The following ADAP2 variants were observed in gnomAD, a reference collection of about 807,000 sequenced individuals.
ADAP2 encodes ArfGAP with dual PH domains 2.
In ADAP2, 42 loss-of-function variants were observed where a neutral mutation model predicts 54.9. The ratio of observed to expected loss-of-function variants is 0.77; its 90% CI spans 0.60 to 0.99. ADAP2 has a LOEUF of 0.99. Ranked by LOEUF, ADAP2 falls within the 50% of genes least tolerant of loss-of-function variation. The probability of loss-of-function intolerance (pLI) is 0.00; values close to 1 mark genes in which losing one functional copy is unlikely to be tolerated. For synonymous variants in ADAP2, 177 were observed against 180.1 expected (o/e 0.98, Z 0.14); for missense variants, 429 against 480.4 (o/e 0.89, Z 1.00).
chr17:30,953,283 C>CCCAGCTCGTGCCATTCCTCA lies in ADAP2; in HGVS notation c.742_761dup. On this transcript the variant is annotated splice_region_variant and splice_polypyrimidine_tract_variant and intron_variant, in intron 7 of 10. Coordinates refer to ENST00000330889, the MANE Select transcript of ADAP2 (RefSeq NM_018404.3). ...TGGGGGTCAGTGTCTGTCTCTCTTC[C>CCCAGCTCGTGCCATTCCTCA]CCAGCTCGTGCCATTCCTCACCAGG... 1 of 1,614,056 alleles carries CCCAGCTCGTGCCATTCCTCA rather than the reference C, an allele frequency of 6.2e-7. No individual in the cohort carries two copies. The highest frequency in any genetic ancestry group is 8.5e-7 in the Non-Finnish European group (1 of 1,179,998).
In ADAP2 at chr17:30,931,876, T is replaced by C. The variant is rs761344897; in HGVS notation, c.318-13T>C. The C allele has an allele frequency of 6.3e-7, 1 of 1,597,896 alleles. No homozygotes were observed. Among genetic ancestry groups the C allele is most frequent in the East Asian group, 2.2e-5 (1 of 44,700 alleles). Reference sequence around the variant, plus strand: ...GCATCAAACGCAGCTGACCTCAGGCTCTCTCTTTTTAGGGTCTTAAAGGAA... The same window carrying C: ...GCATCAAACGCAGCTGACCTCAGGCCCTCTCTTTTTAGGGTCTTAAAGGAA... On this transcript the variant is annotated splice_polypyrimidine_tract_variant and intron_variant, in intron 3 of 10. Coordinates refer to ENST00000330889, the MANE Select transcript of ADAP2 (RefSeq NM_018404.3).
chr17:30,947,364 T>A (rs963044664), intron 6 of ADAP2, among the ~76,000 whole-genome samples: 8 of 152,016 alleles, frequency 5.3e-5, no homozygotes, highest in African/African-American at 1.5e-4. Flanking sequence ...GACCTAAGGT[T>A]TTTTTTTGAG....
intron 2 of ADAP2, among the ~76,000 whole-genome samples, chr17:30,924,966 G>A (rs1393940102): frequency 6.6e-6 from 1 of 151,206 alleles, no homozygotes; most frequent in African/African-American, 2.4e-5. Flanking sequence ...TCTGCCTCTG[G>A]GGTTCAAGCG....
intron 8 of ADAP2, 41 bp downstream of exon 8, chr17:30,953,391 T>C: frequency 6.3e-7 from 1 of 1,588,124 alleles, no homozygotes; most frequent in Non-Finnish European, 8.6e-7. Flanking sequence ...TATGGTTTAA[T>C]GTATATAGAA....
chr17:30,953,269 G>A lies in ADAP2; in HGVS notation c.742-19G>A, dbSNP rs754445355. On this transcript the variant is annotated intron_variant, in intron 7 of 10. Transcript: ENST00000330889. ...CTTGGGGTGTGAGTTGGGGGTCAGT[G>A]TCTGTCTCTCTTCCCCAGCTCGTGC... 6.2e-7 allele frequency: 1 copy of A among 1,613,996 alleles called. No individual in the cohort carries two copies. The highest frequency in any genetic ancestry group is 2.2e-5 in the East Asian group (1 of 44,882).
chr17:30,957,352 C>T (rs1180441834), intron 10 of ADAP2, among the ~76,000 whole-genome samples: 1 of 151,978 alleles, frequency 6.6e-6, no homozygotes, highest in Non-Finnish European at 1.5e-5. Context: ...CTGGTGTGTG[C>T]ATTCCCTCTG....
chr17:30,922,069 G>A lies in ADAP2; in HGVS notation c.55G>A (p.Asp19Asn). The A allele has an allele frequency of 7.9e-7, 1 of 1,271,588 alleles. No individual in the cohort carries two copies. The highest frequency in any genetic ancestry group is 9.9e-7 in the Non-Finnish European group (1 of 1,013,456). The allele number at this position is 1,271,588 out of a possible 1,614,324, so 78.8% of individuals were successfully genotyped here. The stretch of plus-strand genomic sequence containing the variant: ...GCTGCTGGAGCTGCTGCGGGCGCCG[G>A]ACACAGGCAACGCGCACTGCGCCGA... The part of the protein sequence containing the change: ...KRLLELLRAP[D>N]TGNAHCADCG... Residue 19 changes from aspartate (D) to asparagine (N), a missense_variant, in exon 1 of 11, where the codon GAC (aspartate) becomes AAC (asparagine). Asp to Asn is a conservative substitution (Grantham distance 23). Coordinates refer to ENST00000330889, the MANE Select transcript of ADAP2 (RefSeq NM_018404.3).
At chr17:30,938,444 C>A (rs1044917495) in intron 5 of ADAP2, among the ~76,000 whole-genome samples, 2 of 152,172 alleles carry the variant, frequency 1.3e-5, no homozygotes, top group Non-Finnish European at 2.9e-5. Flanking sequence ...ATGCAACAAG[C>A]CCTGATTCAA....
intron 6 of ADAP2, among the ~76,000 whole-genome samples, chr17:30,947,773 G>A (rs1338795835): frequency 6.6e-6 from 1 of 152,174 alleles, no homozygotes; most frequent in Non-Finnish European, 1.5e-5. Context: ...ATATTCAGAT[G>A]ACTTTCTCAA....
At chr17:30,926,669 C>T (rs536880390) in intron 2 of ADAP2, 158 bp from the exon 3 acceptor site, 42 of 638,978 alleles carry the variant, frequency 6.6e-5, no homozygotes, top group Non-Finnish European at 1.1e-4. Flanking sequence ...ATGATTGTTA[C>T]AGGCTGGGGC....
chr17:30,939,368 C>T (rs879141983), intron 5 of ADAP2, among the ~76,000 whole-genome samples: 2 of 142,958 alleles, frequency 1.4e-5, no homozygotes, highest in Non-Finnish European at 3.0e-5. Context: ...ATAAAGGTAA[C>T]TAATTTTTAG....
rs1300069332 is a variant in ADAP2, at chr17:30,950,511, A to C, written c.741+1141A>C. On this transcript the variant is annotated intron_variant, in intron 7 of 10. Coordinates refer to ENST00000330889, the MANE Select transcript of ADAP2 (RefSeq NM_018404.3). Reference sequence around the variant, plus strand: ...ATCTTCAGGGTCCCTTCCGCCTCTGAGATTCTATGCTCTGGTCCTCTTCAA... The same window carrying C: ...ATCTTCAGGGTCCCTTCCGCCTCTGCGATTCTATGCTCTGGTCCTCTTCAA... Among the ~76,000 whole-genome samples, 3 of 152,176 alleles carry C rather than the reference A, an allele frequency of 2.0e-5. No homozygotes were observed. In the East Asian group the frequency reaches 5.8e-4, roughly 29 times the overall value.
intron 5 of ADAP2, among the ~76,000 whole-genome samples, chr17:30,943,919 G>A (rs34202693): frequency 0.17 from 25,013 of 150,168 alleles, 6,487 homozygotes; most frequent in African/African-American, 0.56. Context: ...GGCCGGGGGC[G>A]GTGGCTCATG....
At chr17:30,956,545 G>T in intron 10 of ADAP2, 76 bp downstream of exon 10, 1 of 1,282,568 alleles carries the variant, frequency 7.8e-7, no homozygotes, top group Admixed American at 2.0e-5. Context: ...CTTAGGTTCA[G>T]CTTTGATACC....
In ADAP2 at chr17:30,925,182, CA is replaced by C. The variant is rs1390148915; in HGVS notation, c.226-1644del. Among the ~76,000 whole-genome samples, 8 of 100,656 alleles carry C rather than the reference CA, an allele frequency of 7.9e-5. No homozygotes were observed. In the South Asian group the frequency reaches 2.2e-3, roughly 27 times the overall value. 66.0% of individuals were successfully genotyped at this position (100,656 alleles called of 152,430 possible). On this transcript the variant is annotated intron_variant, in intron 2 of 10. Coordinates refer to ENST00000330889, the MANE Select transcript of ADAP2 (RefSeq NM_018404.3). ...TACAGGCGTGAGCCACCGTGCCCAG[CA>C]TTTTTTTTTTTTTTTTTTTTGAGAT... is the stretch of plus-strand genomic sequence containing the variant.
chr17:30,956,579 T>C, intron 10 of ADAP2, 110 bp downstream of exon 10: 1 of 995,322 alleles, frequency 1.0e-6, no homozygotes, highest in South Asian at 1.6e-5. Context: ...GATTCCTGAC[T>C]ATGCTCTTTT....
In ADAP2 at chr17:30,931,902, C is replaced by A. The variant is rs755265678; in HGVS notation, c.331C>A (p.Gln111Lys). The A allele has an allele frequency of 1.9e-6, 3 of 1,612,806 alleles. No individual in the cohort carries two copies. The highest frequency in any genetic ancestry group is 2.5e-6 in the Non-Finnish European group (3 of 1,179,538). ...QANDCLVLKEQWIRAKYERRE... is the reference protein window; with the variant it reads ...QANDCLVLKEKWIRAKYERRE... ...CTCTCTTTTTAGGGTCTTAAAGGAA[C>A]AATGGATTCGAGCTAAGTATGAGAG... Residue 111 changes from glutamine (Q) to lysine (K), a missense_variant, in exon 4 of 11, where the codon CAA becomes AAA. Transcript: ENST00000330889.
chr17:30,935,062 A>G (rs534152284), intron 5 of ADAP2, among the ~76,000 whole-genome samples: 1 of 152,146 alleles, frequency 6.6e-6, no homozygotes, highest in South Asian at 2.1e-4. Context: ...CAAAAAACAA[A>G]ACAAAACAAA....
rs769096794 is a variant in ADAP2, at chr17:30,932,230, C to CT, written c.397+282dup. Among the ~76,000 whole-genome samples the CT allele has an allele frequency of 9.5e-3, 1,127 of 118,880 alleles. 16 individuals are homozygous for CT. Among genetic ancestry groups the CT allele is most frequent in the African/African-American group, 0.027 (791 of 28,962 alleles). 78.0% of individuals were successfully genotyped at this position (118,880 alleles called of 152,430 possible). On this transcript the variant is annotated intron_variant, in intron 4 of 10. Transcript: ENST00000330889. ...GCAGGGTCACAAGTGTGTACAGACT[C>CT]TTTTTTTTTTTTTTTTTTTTGAGAC...
Sources: allele counts gnomAD v4.1 joint callset (sites outside exome capture counted in the v4.1 genomes callset), GRCh38; gene constraint gnomAD v4.1.1; transcripts MANE v1.5; gene names NCBI Gene and HGNC (gene_info 2026-07-23, HGNC 2026-07-21).